The following FXYD6 variants were observed in gnomAD, a reference collection of about 807,000 sequenced individuals.
The protein encoded by FXYD6 is FXYD domain containing ion transport regulator 6.
In FXYD6, 7 loss-of-function variants were observed where a neutral mutation model predicts 16.7. The observed-to-expected ratio is 0.42, with a 90% CI of 0.24 to 0.79. The LOEUF (loss-of-function observed/expected upper bound fraction) is 0.79, where lower values mean the gene tolerates loss of function less well. Ranked by LOEUF, FXYD6 falls within the 30% of genes least tolerant of loss-of-function variation. The probability of loss-of-function intolerance (pLI) is 0.28; values close to 1 mark genes in which losing one functional copy is unlikely to be tolerated. For synonymous variants in FXYD6, 49 were observed against 43.0 expected (o/e 1.14, Z -0.54); for missense variants, 111 against 116.2 (o/e 0.95, Z 0.21).
chr11:117,840,045 G>A (rs1451334605), intron 6 of FXYD6: 3 of 659,618 alleles, frequency 4.5e-6, no homozygotes, highest in Non-Finnish European at 7.9e-6. Flanking sequence ...ACAAAATGGG[G>A]ACAATGATGC....
intron 1 of FXYD6, among the ~76,000 whole-genome samples, chr11:117,846,922 T>C (rs1320191518): frequency 6.6e-6 from 1 of 152,240 alleles, no homozygotes; most frequent in African/African-American, 2.4e-5. Flanking sequence ...CTAAAACTGT[T>C]AGGATTTTCA....
intron 1 of FXYD6, among the ~76,000 whole-genome samples, chr11:117,846,070 C>A (rs1234563122): frequency 6.6e-6 from 1 of 152,204 alleles, no homozygotes; most frequent in Non-Finnish European, 1.5e-5. Context: ...AGCTGCATAT[C>A]ACTGTCCCCA....
intron 6 of FXYD6, 199 bp downstream of exon 6, chr11:117,840,120 G>A (rs1359727118): frequency 2.9e-6 from 2 of 686,578 alleles, no homozygotes; most frequent in African/African-American, 1.8e-5. Context: ...CAGATGCTCT[G>A]TAAATAGCAG....
In FXYD6 at chr11:117,837,895, G is replaced by A. The variant is rs1373976179; in HGVS notation, c.*404C>T. The stretch of plus-strand genomic sequence containing the variant: ...ACAAGCAGCCTCCTAGGAGCAGAAG[G>A]TGATGGAGGGCCACGGGGGCAGGGA... On this transcript the variant is annotated 3_prime_UTR_variant, in exon 8 of 8. Coordinates refer to ENST00000526014, the MANE Select transcript of FXYD6 (RefSeq NM_022003.4). This position sits in a 1 kb window ranked among gnomAD's most constrained non-coding sequence, Gnocchi z 4.4. 5.4e-6 allele frequency: 2 copies of A among 373,648 alleles called. No individual in the cohort carries two copies. Among genetic ancestry groups the A allele is most frequent in the African/African-American group, 2.0e-5 (1 of 49,206 alleles). The allele number at this position is 373,648 out of a possible 1,614,324, so 23.1% of individuals were successfully genotyped here.
At chr11:117,854,106 C>T (rs908498939) in intron 1 of FXYD6, among the ~76,000 whole-genome samples, 8 of 152,142 alleles carry the variant, frequency 5.3e-5, no homozygotes, top group Non-Finnish European at 1.0e-4. Flanking sequence ...AGCCCAAGTC[C>T]CATCTCCAAA....
chr11:117,857,603 T>C (rs1374666716), intron 1 of FXYD6, among the ~76,000 whole-genome samples: 1 of 152,046 alleles, frequency 6.6e-6, no homozygotes, highest in African/African-American at 2.4e-5. Context: ...GAGACGGAGT[T>C]TCACCATGTT....
In FXYD6 at chr11:117,869,685, G is replaced by C. The variant is rs561089908; in HGVS notation, c.-6+6907C>G. 2.9e-4 allele frequency among the ~76,000 whole-genome samples: 44 copies of C among 152,322 alleles called. No individual in the cohort carries two copies. The East Asian group carries it at 7.1e-3, about 25-fold the overall frequency. ...GACAGAGGAAAAAGAAGAAGAAGAA[G>C]AAGAAGAGAGAGAGACAGAAAATAA... On this transcript the variant is annotated intron_variant, in intron 1 of 7. Coordinates refer to ENST00000526014, the MANE Select transcript of FXYD6 (RefSeq NM_022003.4).
chr11:117,843,007 C>T (rs2056391618), intron 1 of FXYD6, among the ~76,000 whole-genome samples: 1 of 151,988 alleles, frequency 6.6e-6, no homozygotes, highest in Admixed American at 6.5e-5. Flanking sequence ...GATCTCGGCT[C>T]ACTGCAACCT....
At chr11:117,841,050 G>T in intron 5 of FXYD6, 98 bp downstream of exon 5, 1 of 1,495,280 alleles carries the variant, frequency 6.7e-7, no homozygotes, top group East Asian at 2.3e-5. Context: ...TCCGAGACAA[G>T]AATCCAAGAG....
intron 1 of FXYD6, among the ~76,000 whole-genome samples, chr11:117,865,994 A>G (rs2057005943): frequency 6.6e-6 from 1 of 152,162 alleles, no homozygotes; most frequent in African/African-American, 2.4e-5. Flanking sequence ...CAGCTACAAC[A>G]TGGATGAACC....
At chr11:117,857,556 G>A (rs750256967) in intron 1 of FXYD6, among the ~76,000 whole-genome samples, 7 of 152,010 alleles carry the variant, frequency 4.6e-5, no homozygotes, top group East Asian at 1.9e-4. Flanking sequence ...TTACAGGCAC[G>A]CGCCACCATG....
At chr11:117,850,056 G>A (rs1433501497) in intron 1 of FXYD6, among the ~76,000 whole-genome samples, 3 of 152,136 alleles carry the variant, frequency 2.0e-5, no homozygotes, top group African/African-American at 7.2e-5. Flanking sequence ...GACTACGCTT[G>A]CTCAGAATGA....
At chr11:117,859,863 T>A (rs1026016706) in intron 1 of FXYD6, among the ~76,000 whole-genome samples, 1 of 152,142 alleles carries the variant, frequency 6.6e-6, no homozygotes, top group Admixed American at 6.5e-5. Flanking sequence ...TCATCCTTAG[T>A]CTGGTCGTAC....
chr11:117,873,032 C>G lies in FXYD6; in HGVS notation c.-6+3560G>C, dbSNP rs991469666. Among the ~76,000 whole-genome samples, 4 of 151,598 alleles carry G rather than the reference C, an allele frequency of 2.6e-5. No homozygotes were observed. The South Asian group carries it at 6.2e-4, about 24-fold the overall frequency. On this transcript the variant is annotated intron_variant, in intron 1 of 7. Coordinates refer to ENST00000526014, the MANE Select transcript of FXYD6 (RefSeq NM_022003.4). ...TCCAGAGAACAACTCTTTAAAGAACCCCCCCCAACCGCCGCCCGCCTCCAG... is the reference window on the plus strand; with the variant it reads ...TCCAGAGAACAACTCTTTAAAGAACGCCCCCCAACCGCCGCCCGCCTCCAG...
chr11:117,858,736 CCT>C (rs1565324016), intron 1 of FXYD6, among the ~76,000 whole-genome samples: 9 of 102,640 alleles, frequency 8.8e-5, no homozygotes, highest in African/African-American at 3.5e-4. Context: ...TTCCTTCCTT[CCT>C]TCCTTCCTTC....
intron 1 of FXYD6, among the ~76,000 whole-genome samples, chr11:117,853,009 G>A (rs1280288232): frequency 6.6e-6 from 1 of 152,136 alleles, no homozygotes; most frequent in East Asian, 1.9e-4. Context: ...GTTAGTCTTT[G>A]TTGTTCACTC....
chr11:117,843,018 C>T (rs1298633048), intron 1 of FXYD6, among the ~76,000 whole-genome samples: 1 of 152,110 alleles, frequency 6.6e-6, no homozygotes, highest in Non-Finnish European at 1.5e-5. Context: ...ACTGCAACCT[C>T]CGCCTCCCAG....
chr11:117,856,260 G>T (rs1341755313), intron 1 of FXYD6, among the ~76,000 whole-genome samples: 1 of 152,144 alleles, frequency 6.6e-6, no homozygotes, highest in Non-Finnish European at 1.5e-5. Context: ...TATTATTTTT[G>T]ATTCCACGCA....
At chr11:117,840,135 C>T in intron 6 of FXYD6, 184 bp downstream of exon 6, 3 of 726,048 alleles carry the variant, frequency 4.1e-6, no homozygotes, top group Non-Finnish European at 7.0e-6. Flanking sequence ...TAGCAGGTGA[C>T]ACTAGTAGTA....
Sources: allele counts gnomAD v4.1 joint callset (sites outside exome capture counted in the v4.1 genomes callset), GRCh38; gene constraint gnomAD v4.1.1; non-coding constraint Gnocchi (gnomAD v3.1); transcripts MANE v1.5; gene names NCBI Gene and HGNC (gene_info 2026-07-23, HGNC 2026-07-21).